KIF14: variants seen among roughly 807,000 people sequenced by gnomAD.
KIF14 encodes the protein kinesin family member 14.
A neutral mutation model predicts 176.2 loss-of-function variants in KIF14; 98 were observed. The ratio of observed to expected loss-of-function variants is 0.56; its 90% CI spans 0.47 to 0.66. The LOEUF is 0.66. Among genes scored for constraint, KIF14 ranks in the 30% least tolerant of loss-of-function variants. The pLI, the probability that KIF14 is intolerant of heterozygous loss-of-function variation, is 0.00. For missense variants in KIF14, 1,751 were observed against 1,920.4 expected, an observed-to-expected ratio of 0.91 and a Z score of 1.65; for synonymous variants, 566 against 632.2, an observed-to-expected ratio of 0.90 and a Z score of 1.57.
rs1656558453 is a variant in KIF14, at chr1:200,552,041, C to A, written c.*1347G>T. 6.6e-6 allele frequency: 1 copy of A among 152,210 alleles called. No homozygotes were observed. The highest frequency in any genetic ancestry group is 2.4e-5 in the African/African-American group (1 of 41,470). 9.4% of individuals were successfully genotyped at this position (152,210 alleles called of 1,614,324 possible). A position where few individuals can be genotyped will look rare whatever the true frequency, so the allele number is the denominator to read the frequency against. The stretch of plus-strand genomic sequence containing the variant: ...AATCTCTTCCTAACAAGGAAACTAT[C>A]AGATTTATTCATGGTACGAATGGCC... On this transcript the variant is annotated 3_prime_UTR_variant, in exon 30 of 30. Transcript: ENST00000367350.
intron 10 of KIF14, among the ~76,000 whole-genome samples, chr1:200,603,013 T>C (rs1371476364): frequency 1.3e-5 from 2 of 152,174 alleles, no homozygotes; most frequent in African/African-American, 4.8e-5. Flanking sequence ...ATTTTACAGA[T>C]GAGGAAACGG....
At position 200,559,369 on chromosome 1, in the gene KIF14, T is replaced by A. The variant is rs750785475; in HGVS notation, c.4314A>T (p.Glu1438Asp). 4 of 1,592,064 alleles carry A rather than the reference T, an allele frequency of 2.5e-6. No homozygotes were observed. The highest frequency in any genetic ancestry group is 2.6e-6 in the Non-Finnish European group (3 of 1,168,684). The change falls in exon 27 of 30, where the codon GAA (glutamate) becomes GAT (aspartate). Residue 1438 changes from glutamate (E) to aspartate (D), a missense_variant. Physicochemically the swap from Glu to Asp is conservative, Grantham distance 45 (BLOSUM62 2). Transcript: ENST00000367350. ...ACTGCCTAAAGAGTTCATGCTGAAG[T>A]TCTTTTGCTTTTTCCAGTCCAGAAT... ...LLDSGLEKAK[E>D]LQHELFRQCT... is the part of the protein sequence containing the mutation.
At chr1:200,591,048 CA>C (rs1033970704) in intron 16 of KIF14, among the ~76,000 whole-genome samples, 22 of 145,634 alleles carry the variant, frequency 1.5e-4, no homozygotes, top group South Asian at 4.4e-4. Context: ...AAAAAACAAA[CA>C]AAAAAAAAAC....
rs151249558 is a variant in KIF14 at position 200,569,910 on chromosome 1, C to A, written c.3661+1G>T. ...TAGAGAAAATGTGAAGAAAAAAATA[C>A]CTGATGAATGTGAAGAATGCAAATT... On this transcript the variant is annotated splice_donor_variant, in intron 23 of 29. Coordinates refer to ENST00000367350, the MANE Select transcript of KIF14 (RefSeq NM_014875.3). LOFTEE classifies it high-confidence loss of function. 3.7e-5 allele frequency: 58 copies of A among 1,548,758 alleles called. No individual in the cohort carries two copies. Among genetic ancestry groups the A allele is most frequent in the Non-Finnish European group, 4.9e-5 (55 of 1,126,868 alleles).
intron 2 of KIF14, 89 bp downstream of exon 2, chr1:200,617,523 C>G (rs1336964342): frequency 1.5e-6 from 2 of 1,303,604 alleles, no homozygotes; most frequent in Admixed American, 2.3e-5. Flanking sequence ...TGAAGATGCA[C>G]GAATACACTG....
rs769048341 is a variant in KIF14 at position 200,560,857 on chromosome 1, TG to T, written c.4094del (p.Ser1365Ter). The T allele has an allele frequency of 1.8e-5, 29 of 1,613,728 alleles. No individual in the cohort carries two copies. The highest frequency in any genetic ancestry group is 2.5e-5 in the Non-Finnish European group (29 of 1,179,726). On this transcript the variant is annotated frameshift_variant, in exon 26 of 30. Transcript: ENST00000367350. LOFTEE classifies it high-confidence loss of function. ...CATTCTTTTGAGCCTCTTTTATCATTGATGAAATATCCAAACAGCATCCCTG... is the reference window on the plus strand; with the variant it reads ...CATTCTTTTGAGCCTCTTTTATCATTATGAAATATCCAAACAGCATCCCTG... ...FLQGCCLDIS[S>X]MIKEAQKNAI... is the part of the protein sequence containing the mutation.
intron 28 of KIF14, 52 bp downstream of exon 28, chr1:200,555,328 G>A: frequency 1.7e-6 from 2 of 1,147,628 alleles, no homozygotes; most frequent in South Asian, 1.3e-5. Flanking sequence ...TTTGAACCAA[G>A]TGAAATGATA....
At chr1:200,592,043 T>C in intron 16 of KIF14, 37 bp downstream of exon 16, 9 of 1,556,634 alleles carry the variant, frequency 5.8e-6, no homozygotes, top group Non-Finnish European at 7.9e-6. Context: ...TAGATCTCTC[T>C]CATACACTTA....
At chr1:200,565,899 G>T (rs945510808) in intron 23 of KIF14, among the ~76,000 whole-genome samples, 1 of 152,142 alleles carries the variant, frequency 6.6e-6, no homozygotes, top group African/African-American at 2.4e-5. Flanking sequence ...TGTGTATGTT[G>T]ATTTCCAGGG....
intron 27 of KIF14, among the ~76,000 whole-genome samples, chr1:200,556,615 C>G (rs1571447919): frequency 6.6e-6 from 1 of 152,156 alleles, no homozygotes; most frequent in Admixed American, 6.6e-5. Flanking sequence ...CAAAACAATA[C>G]CAAGGCTAAC....
In KIF14 at chr1:200,603,822, A is replaced by G; in HGVS notation, c.1863+17T>C. ...AGGAATAAATTTCATCAAAAGGAGA[A>G]AAAGCATTCCATTTACCTTTAGTCG... On this transcript the variant is annotated intron_variant, in intron 9 of 29. Transcript: ENST00000367350. 6.8e-7 allele frequency: 1 copy of G among 1,473,410 alleles called. No individual in the cohort carries two copies. The highest frequency in any genetic ancestry group is 1.1e-5 in the South Asian group (1 of 88,034). The allele number at this position is 1,473,410 out of a possible 1,614,324, so 91.3% of individuals were successfully genotyped here. A position where few individuals can be genotyped will look rare whatever the true frequency, so the allele number is the denominator to read the frequency against.
At chr1:200,561,071 A>C (rs576565005) in intron 25 of KIF14, among the ~76,000 whole-genome samples, 191 bp from the exon 26 acceptor site, 1 of 152,104 alleles carries the variant, frequency 6.6e-6, no homozygotes, top group South Asian at 2.1e-4. Flanking sequence ...TCTCTACTAA[A>C]AATACAAAAA....
intron 14 of KIF14, among the ~76,000 whole-genome samples, chr1:200,596,114 C>T (rs772601074): frequency 2.6e-5 from 4 of 151,802 alleles, no homozygotes; most frequent in African/African-American, 4.8e-5. Context: ...ATTAGCCAGG[C>T]GTGGTAACAG....
rs200285592 is a variant in KIF14 at position 200,586,161 on chromosome 1, T to C, written c.3181A>G (p.Ile1061Val). The change falls in exon 19 of 30, where the codon ATT (isoleucine) becomes GTT (valine). Residue 1061 changes from isoleucine to valine, a missense_variant. Physicochemically the swap from Ile to Val is conservative, Grantham distance 29. Transcript: ENST00000367350. Reference protein sequence around the residue: ...LEALETEKQKIAKEVQILQQN... With the variant: ...LEALETEKQKVAKEVQILQQN... ...TGTAGAATTTGTACTTCTTTAGCAATTTTTTGCTTTTCAGTTTCTAAAGCT... is the reference window on the plus strand; with the variant it reads ...TGTAGAATTTGTACTTCTTTAGCAACTTTTTGCTTTTCAGTTTCTAAAGCT... 6.4e-5 allele frequency: 102 copies of C among 1,602,602 alleles called. No homozygotes were observed. In the Middle Eastern group the frequency reaches 6.9e-4, roughly 11 times the overall value.
At chr1:200,590,482 T>C (rs1658996768) in intron 16 of KIF14, among the ~76,000 whole-genome samples, 1 of 152,246 alleles carries the variant, frequency 6.6e-6, no homozygotes, top group South Asian at 2.1e-4. Flanking sequence ...GAAAAATTGC[T>C]TATTTCTAAC....
Position 200,575,522 on chromosome 1 carries a change from TAC to T in KIF14, c.3566+67_3566+68del, listed in dbSNP as rs35571944. 0.23 allele frequency: 137,119 copies of T among 599,892 alleles called. 10,220 individuals are homozygous for T. Among genetic ancestry groups the T allele is most frequent in the East Asian group, 0.34 (10,884 of 31,726 alleles). The allele number at this position is 599,892 out of a possible 1,614,324, so 37.2% of individuals were successfully genotyped here. On this transcript the variant is annotated intron_variant, in intron 22 of 29. Coordinates refer to ENST00000367350, the MANE Select transcript of KIF14 (RefSeq NM_014875.3). Reference sequence around the variant, plus strand: ...GAAATAATATATATGATATACAATTTACACACACACACACACACACACATGCA... The same window carrying T: ...GAAATAATATATATGATATACAATTTACACACACACACACACACACATGCA...
intron 4 of KIF14, among the ~76,000 whole-genome samples, chr1:200,611,339 C>A (rs1431713584): frequency 6.6e-6 from 1 of 152,022 alleles, no homozygotes; most frequent in Non-Finnish European, 1.5e-5. Context: ...TAGTTTTTAT[C>A]CTGAAAAAAC....
At chr1:200,556,197 C>T (rs532938376) in intron 27 of KIF14, among the ~76,000 whole-genome samples, 1 of 152,242 alleles carries the variant, frequency 6.6e-6, no homozygotes, top group East Asian at 1.9e-4. Flanking sequence ...ATGCTGCCCC[C>T]TAAGGTGCTT....
intron 14 of KIF14, among the ~76,000 whole-genome samples, chr1:200,596,874 ATCTC>A (rs755764695): frequency 4.0e-5 from 5 of 125,122 alleles, no homozygotes; most frequent in South Asian, 5.5e-4. Context: ...AGAACACTCT[ATCTC>A]TCTCTCTCTC....
Sources: gnomAD v4.1 joint callset for allele counts (sites outside exome capture counted in the v4.1 genomes callset) on GRCh38, gnomAD v4.1.1 for gene constraint, MANE v1.5 for transcripts, NCBI Gene and HGNC (gene_info 2026-07-23, HGNC 2026-07-21) for gene names.